The following DDX10 variants were observed in gnomAD, a reference collection of about 807,000 sequenced individuals.
DDX10 encodes the protein probable ATP-dependent RNA helicase DDX10.
Under a neutral mutation model 104.3 loss-of-function variants are expected in DDX10, and 74 were observed. The ratio of observed to expected loss-of-function variants is 0.71; its 90% confidence interval spans 0.59 to 0.86. The LOEUF is 0.86. Among genes scored for constraint, DDX10 ranks in the 40% least tolerant of loss-of-function variants. The pLI, the probability that DDX10 is intolerant of heterozygous loss-of-function variation, is 0.00. For synonymous variants in DDX10, 351 were observed against 353.4 expected (o/e 0.99, Z 0.08); for missense variants, 952 against 1,040.0 (o/e 0.92, Z 1.16).
At chr11:108,718,630 A>G (rs1203087114) in intron 11 of DDX10, among the ~76,000 whole-genome samples, 1 of 152,250 alleles carries the variant, frequency 6.6e-6, no homozygotes, top group Non-Finnish European at 1.5e-5. Flanking sequence ...TGAGCCTTCC[A>G]GAACACTGAT....
At chr11:108,721,765 A>G (rs1363432546) in intron 12 of DDX10, among the ~76,000 whole-genome samples, 1 of 152,214 alleles carries the variant, frequency 6.6e-6, no homozygotes, top group African/African-American at 2.4e-5. Flanking sequence ...TACTAAAGAA[A>G]CATGTTTTGA....
chr11:108,904,135 G>A (rs910166131), intron 16 of DDX10, among the ~76,000 whole-genome samples: 2 of 152,004 alleles, frequency 1.3e-5, no homozygotes, highest in African/African-American at 4.8e-5. Flanking sequence ...TTTATAAATG[G>A]ACATTTTATT....
intron 16 of DDX10, among the ~76,000 whole-genome samples, chr11:108,865,553 G>A (rs1213258476): frequency 6.6e-6 from 1 of 152,108 alleles, no homozygotes; most frequent in Admixed American, 6.5e-5. Flanking sequence ...TCAGATTTGG[G>A]AGGGTCTTAT....
rs552163465 is a variant in DDX10 at position 108,893,375 on chromosome 11, C to T, written c.2305-24498C>T. On this transcript the variant is annotated intron_variant, in intron 16 of 17. Coordinates refer to ENST00000322536, the MANE Select transcript of DDX10 (RefSeq NM_004398.4). ...AAGATTTGGGTTCTAGCTCTACTACCGTATTTTTCTACTAATCCTATAATT... is the reference window on the plus strand; with the variant it reads ...AAGATTTGGGTTCTAGCTCTACTACTGTATTTTTCTACTAATCCTATAATT... Among the ~76,000 whole-genome samples the T allele has an allele frequency of 5.3e-4, 80 of 151,922 alleles. 1 individual carries two copies. Among genetic ancestry groups the T allele is most frequent in the Middle Eastern group, 6.8e-3 (2 of 292 alleles).
chr11:108,720,131 TA>T (rs914714700), intron 12 of DDX10, among the ~76,000 whole-genome samples: 3 of 152,230 alleles, frequency 2.0e-5, no homozygotes, highest in African/African-American at 7.2e-5. Flanking sequence ...TGCCTTACGT[TA>T]AAAGAATCTG....
chr11:108,701,725 C>T (rs1272627564), intron 9 of DDX10, among the ~76,000 whole-genome samples: 5 of 114,530 alleles, frequency 4.4e-5, no homozygotes, highest in Admixed American at 2.7e-4. Flanking sequence ...GTGACTCTGT[C>T]GCCCAGAGTG....
intron 9 of DDX10, among the ~76,000 whole-genome samples, chr11:108,696,472 C>T (rs944548726): frequency 3.9e-5 from 6 of 152,204 alleles, no homozygotes; most frequent in South Asian, 2.1e-4. Context: ...CCACAGTGCC[C>T]GGCGAGTACC....
intron 13 of DDX10, among the ~76,000 whole-genome samples, chr11:108,781,960 A>G (rs1365110278): frequency 6.6e-6 from 1 of 152,116 alleles, no homozygotes; most frequent in Non-Finnish European, 1.5e-5. Flanking sequence ...GTCAGAAGAG[A>G]TTCTTCTGGG....
intron 13 of DDX10, among the ~76,000 whole-genome samples, chr11:108,724,741 A>G (rs774426491): frequency 6.6e-6 from 1 of 152,126 alleles, no homozygotes; most frequent in African/African-American, 2.4e-5. Flanking sequence ...ATATAGTTTT[A>G]TAATACCATG....
At chr11:108,789,894 TTGTCCTCAGAC>T (rs1329776729) in intron 13 of DDX10, among the ~76,000 whole-genome samples, 1 of 152,208 alleles carries the variant, frequency 6.6e-6, no homozygotes, top group African/African-American at 2.4e-5. Context: ...GATTTGGCTT[TTGTCCTCAGAC>T]TTGTCCCCTC....
chr11:108,735,259 G>T (rs535830512), intron 13 of DDX10, among the ~76,000 whole-genome samples: 6 of 152,192 alleles, frequency 3.9e-5, no homozygotes, highest in Admixed American at 3.9e-4. Flanking sequence ...ATTAAGTGAA[G>T]ACTTCATGAA....
At chr11:108,893,880 A>G (rs1224818934) in intron 16 of DDX10, among the ~76,000 whole-genome samples, 1 of 152,094 alleles carries the variant, frequency 6.6e-6, no homozygotes. Flanking sequence ...TATGCAGTGG[A>G]TAGTTAGTTA....
At chr11:108,700,626 C>T (rs924088507) in intron 9 of DDX10, among the ~76,000 whole-genome samples, 48 of 152,310 alleles carry the variant, frequency 3.2e-4, no homozygotes, top group African/African-American at 1.0e-3. Flanking sequence ...GAGAGATAGA[C>T]ATCCTGTAGT....
chr11:108,815,001 C>T (rs752039566), intron 13 of DDX10, among the ~76,000 whole-genome samples: 1 of 152,144 alleles, frequency 6.6e-6, no homozygotes, highest in Non-Finnish European at 1.5e-5. Flanking sequence ...CAGAGCTAAT[C>T]TGGAAGTATA....
intron 16 of DDX10, among the ~76,000 whole-genome samples, chr11:108,901,129 T>C (rs1032765609): frequency 5.3e-5 from 8 of 152,210 alleles, no homozygotes; most frequent in Non-Finnish European, 1.0e-4. Context: ...GTAGAACATA[T>C]GTCACTGCCT....
intron 13 of DDX10, among the ~76,000 whole-genome samples, chr11:108,781,270 G>T (rs1459773894): frequency 1.3e-5 from 2 of 152,084 alleles, no homozygotes; most frequent in Non-Finnish European, 2.9e-5. Flanking sequence ...TGTATTTCAT[G>T]GTGTATATGT....
At chr11:108,775,005 A>G (rs1008821253) in intron 13 of DDX10, among the ~76,000 whole-genome samples, 1 of 152,218 alleles carries the variant, frequency 6.6e-6, no homozygotes, top group Admixed American at 6.5e-5. Context: ...CAGTCTGTGC[A>G]CTTGTTGAAA....
intron 13 of DDX10, among the ~76,000 whole-genome samples, chr11:108,824,510 G>C (rs887952948): frequency 3.3e-5 from 5 of 151,966 alleles, no homozygotes; most frequent in Non-Finnish European, 2.9e-5. Context: ...AGTTCTAGAA[G>C]AATTCCAAAA....
rs184196720 is a variant in DDX10 at position 108,715,325 on chromosome 11, G to C, written c.1323-554G>C. Among the ~76,000 whole-genome samples the C allele has an allele frequency of 2.4e-3, 358 of 152,262 alleles. 1 individual carries two copies. Among genetic ancestry groups the C allele is most frequent in the African/African-American group, 7.3e-3 (304 of 41,564 alleles). On this transcript the variant is annotated intron_variant, in intron 10 of 17. Coordinates refer to ENST00000322536, the MANE Select transcript of DDX10 (RefSeq NM_004398.4). ...GGCCAGGAGTTCCAGACCAGCCTGG[G>C]CAAAACAGTGAGACCATGTCTCTGC...
Sources: allele counts gnomAD v4.1 joint callset (sites outside exome capture counted in the v4.1 genomes callset), GRCh38; gene constraint gnomAD v4.1.1; transcripts MANE v1.5; gene names NCBI Gene and HGNC (gene_info 2026-07-23, HGNC 2026-07-21).